SCN3A: variants seen among roughly 807,000 people sequenced by gnomAD.
SCN3A encodes the protein sodium channel protein type 3 subunit alpha.
Under a neutral mutation model 187.6 loss-of-function variants are expected in SCN3A, and 60 were observed. The observed-to-expected ratio is 0.32, with a 90% CI of 0.26 to 0.40. The LOEUF is 0.40. Ranked by LOEUF, SCN3A falls within the 10% of genes least tolerant of loss-of-function variation. SCN3A has a pLI of 1.00. For missense variants in SCN3A, 1,601 were observed against 2,428.2 expected, an observed-to-expected ratio of 0.66 and a Z score of 7.16; for synonymous variants, 788 against 829.2, an observed-to-expected ratio of 0.95 and a Z score of 0.85.
chr2:165,197,489 A>C (rs981216383), intron 1 of SCN3A, among the ~76,000 whole-genome samples: 4 of 151,816 alleles, frequency 2.6e-5, no homozygotes, highest in African/African-American at 9.7e-5. Context: ...TCTAATGTGC[A>C]TCCACAGCTG....
chr2:165,111,171 C>A (rs1686094388), intron 21 of SCN3A, among the ~76,000 whole-genome samples: 1 of 152,006 alleles, frequency 6.6e-6, no homozygotes, highest in Admixed American at 6.6e-5. Flanking sequence ...CCTGTCTCTA[C>A]TAAAAATACA....
chr2:165,127,370 A>T (rs1241844491), intron 18 of SCN3A, among the ~76,000 whole-genome samples: 2 of 152,146 alleles, frequency 1.3e-5, no homozygotes, highest in Non-Finnish European at 2.9e-5. Flanking sequence ...CTAAAAGGCC[A>T]CATTTTTTAA....
intron 20 of SCN3A, 43 bp downstream of exon 20, chr2:165,113,773 A>G (rs1326114769): frequency 3.8e-6 from 6 of 1,596,520 alleles, no homozygotes; most frequent in East Asian, 4.5e-5. Context: ...AGAATAAACT[A>G]TTTCACCAGA....
chr2:165,171,813 G>A (rs940592315), intron 3 of SCN3A, among the ~76,000 whole-genome samples: 90 of 152,164 alleles, frequency 5.9e-4, no homozygotes, highest in African/African-American at 1.9e-3. Flanking sequence ...GTTAGAAATT[G>A]TTATAAACCA....
rs114119868 is a variant in SCN3A at position 165,088,482 on chromosome 2, T to C, written c.*1668A>G. 7.8e-3 allele frequency: 1,196 copies of C among 152,582 alleles called. 8 individuals carry two copies. The highest frequency in any genetic ancestry group is 0.021 in the South Asian group (103 of 4,816). 9.5% of individuals were successfully genotyped at this position (152,582 alleles called of 1,614,324 possible). A position where few individuals can be genotyped will look rare whatever the true frequency, so the allele number is the denominator to read the frequency against. ...AAACATCTATGAATAAAAGGTTATA[T>C]TGAGGCAACCATAGTTGGTAGAAAA... On this transcript the variant is annotated 3_prime_UTR_variant, in exon 28 of 28. Transcript: ENST00000283254.
chr2:165,187,652 G>A (rs950507745), intron 1 of SCN3A, among the ~76,000 whole-genome samples: 3 of 151,964 alleles, frequency 2.0e-5, no homozygotes, highest in Non-Finnish European at 2.9e-5. Context: ...TTCTGTTACC[G>A]GAGTGATGGT....
chr2:165,124,198 G>A (rs1253289133), intron 18 of SCN3A, among the ~76,000 whole-genome samples: 1 of 151,870 alleles, frequency 6.6e-6, no homozygotes, highest in African/African-American at 2.4e-5. Flanking sequence ...GGTAAGAAAT[G>A]TTTTCCAGGT....
Position 165,087,802 on chromosome 2 carries a change from C to T in SCN3A, c.*2348G>A, listed in dbSNP as rs571983177. On this transcript the variant is annotated 3_prime_UTR_variant, in exon 28 of 28. Coordinates refer to ENST00000283254, the MANE Select transcript of SCN3A (RefSeq NM_006922.4). ...CCACCAAGTAATTAGGAGATAGCAT[C>T]AATTATATTGAAAGAAGATGAGTTT... is the stretch of plus-strand genomic sequence containing the variant. 2 of 152,110 alleles carry T rather than the reference C, an allele frequency of 1.3e-5. No individual in the cohort carries two copies. The highest frequency in any genetic ancestry group is 1.9e-4 in the East Asian group (1 of 5,182). 9.4% of individuals were successfully genotyped at this position (152,110 alleles called of 1,614,324 possible).
intron 11 of SCN3A, among the ~76,000 whole-genome samples, chr2:165,148,167 T>C (rs1688465050): frequency 7.0e-6 from 1 of 142,272 alleles, no homozygotes; most frequent in African/African-American, 2.6e-5. Context: ...GAATAAAGAT[T>C]TAAAAATGTA....
chr2:165,169,368 A>G (rs1043708168), intron 4 of SCN3A, among the ~76,000 whole-genome samples: 2 of 151,902 alleles, frequency 1.3e-5, no homozygotes, highest in Admixed American at 6.6e-5. Context: ...TGTGCTGATA[A>G]GGTAATGTTA....
intron 2 of SCN3A, among the ~76,000 whole-genome samples, chr2:165,178,837 A>G (rs931950084): frequency 6.6e-6 from 1 of 152,128 alleles, no homozygotes; most frequent in Non-Finnish European, 1.5e-5. Flanking sequence ...AATTTACGGG[A>G]GGCAGCACAA....
chr2:165,089,878 C>T lies in SCN3A; in HGVS notation c.*272G>A. 1 of 458,438 alleles carries T rather than the reference C, an allele frequency of 2.2e-6. No homozygotes were observed. The highest frequency in any genetic ancestry group is 2.5e-5 in the South Asian group (1 of 40,740). 28.4% of individuals were successfully genotyped at this position (458,438 alleles called of 1,614,324 possible). ...GTGTAGTTACAATGTTCACTTTGCA[C>T]AACTATCCCTATAGTCTAGGTAGCC... On this transcript the variant is annotated 3_prime_UTR_variant, in exon 28 of 28. Coordinates refer to ENST00000283254, the MANE Select transcript of SCN3A (RefSeq NM_006922.4).
intron 19 of SCN3A, among the ~76,000 whole-genome samples, chr2:165,114,774 T>G (rs1303814628): frequency 6.6e-6 from 1 of 152,220 alleles, no homozygotes; most frequent in Non-Finnish European, 1.5e-5. Context: ...CTGTAGCATC[T>G]ATAAATCAAA....
At chr2:165,160,306 T>C (rs1269775011) in intron 9 of SCN3A, among the ~76,000 whole-genome samples, 1 of 152,154 alleles carries the variant, frequency 6.6e-6, no homozygotes, top group Non-Finnish European at 1.5e-5. Context: ...TACAGTATGC[T>C]AATAATATAA....
chr2:165,183,276 TCTC>T (rs756156139), intron 2 of SCN3A, among the ~76,000 whole-genome samples: 2 of 152,218 alleles, frequency 1.3e-5, no homozygotes, highest in Non-Finnish European at 2.9e-5. Context: ...AGCTAAGTAA[TCTC>T]CTCTAAAATG....
chr2:165,120,679 G>A (rs1216354467), intron 18 of SCN3A, among the ~76,000 whole-genome samples: 2 of 151,860 alleles, frequency 1.3e-5, no homozygotes, highest in African/African-American at 4.8e-5. Flanking sequence ...GCCTTAGTCT[G>A]ATCTTTTGGA....
At chr2:165,193,549 G>T (rs1025859091) in intron 1 of SCN3A, among the ~76,000 whole-genome samples, 5 of 152,050 alleles carry the variant, frequency 3.3e-5, no homozygotes, top group Non-Finnish European at 5.9e-5. Flanking sequence ...GTTGCCCTCA[G>T]CCACATGTCT....
At chr2:165,179,697 A>G (rs78275344) in intron 2 of SCN3A, 4 of 152,344 alleles carry the variant, frequency 2.6e-5, no homozygotes, top group East Asian at 3.9e-4. Context: ...TTCCCCTGCA[A>G]GAGAATTAGG....
At chr2:165,160,984 A>G (rs1689330564) in intron 9 of SCN3A, among the ~76,000 whole-genome samples, 1 of 152,150 alleles carries the variant, frequency 6.6e-6, no homozygotes, top group South Asian at 2.1e-4. Flanking sequence ...GTGCAGTGGC[A>G]TGATCATAGC....
Sources: allele counts gnomAD v4.1 joint callset (sites outside exome capture counted in the v4.1 genomes callset), GRCh38; gene constraint gnomAD v4.1.1; transcripts MANE v1.5; gene names NCBI Gene and HGNC (gene_info 2026-07-23, HGNC 2026-07-21).